The following SPDYE3 variants were observed in gnomAD, a reference collection of about 807,000 sequenced individuals.
The protein encoded by SPDYE3 is speedy/RINGO cell cycle regulator family member E3.
SPDYE3 carries 15 observed loss-of-function variants against 55.0 expected under a neutral mutation model. That is an observed-to-expected ratio of 0.27 (90% confidence interval 0.18 to 0.42). The LOEUF (loss-of-function observed/expected upper bound fraction) is 0.42. Ranked by LOEUF, SPDYE3 falls within the 10% of genes least tolerant of loss-of-function variation. SPDYE3 has a pLI of 1.00. For missense variants in SPDYE3, 236 were observed against 576.7 expected (o/e 0.41, Z 6.05); for synonymous variants, 89 against 229.9 (o/e 0.39, Z 5.55).
Position 100,313,307 on chromosome 7 carries a change from CGA to C in SPDYE3, c.933_934del (p.Ser313AlafsTer5), listed in dbSNP as rs1202385768. On this transcript the variant is annotated frameshift_variant, in exon 5 of 11. Transcript: ENST00000332397. LOFTEE classifies it high-confidence loss of function. ...CGLKMKAKRR[R>X]VSLVLPEYYE... ...CCTCAAGATGAAGGCGAAGCGACGG[CGA>C]GTGTCGCTCGTGCTCCCTGAGTACT... The C allele has an allele frequency of 7.5e-7, 1 of 1,334,176 alleles. No individual in the cohort carries two copies. Among genetic ancestry groups the C allele is most frequent in the African/African-American group, 1.7e-5 (1 of 57,214 alleles). The allele number at this position is 1,334,176 out of a possible 1,614,324, so 82.6% of individuals were successfully genotyped here. A position where few individuals can be genotyped will look rare whatever the true frequency, so the allele number is the denominator to read the frequency against.
chr7:100,317,129 C>T lies in SPDYE3; in HGVS notation c.1320C>T (p.Tyr440=). The T allele has an allele frequency of 6.2e-7, 1 of 1,611,836 alleles. No homozygotes were observed. Among genetic ancestry groups the T allele is most frequent in the Non-Finnish European group, 8.5e-7 (1 of 1,179,694 alleles). The change falls in exon 8 of 11, where the codon TAC becomes TAT. Residue 440 remains tyrosine, a synonymous_variant. Coordinates refer to ENST00000332397, the MANE Select transcript of SPDYE3 (RefSeq NM_001004351.5). ...FSRAGLPSWQ[Y]QRIHFFLALY... ...GGGCCGGCCTCCCCTCCTGGCAATACCAACGCATTCATTTCTTCCTGGCTC... is the reference window on the plus strand; with the variant it reads ...GGGCCGGCCTCCCCTCCTGGCAATATCAACGCATTCATTTCTTCCTGGCTC...
At chr7:100,312,987 G>A (rs1805999666) in intron 4 of SPDYE3, among the ~76,000 whole-genome samples, 153 bp from the exon 5 acceptor site, 1 of 147,452 alleles carries the variant, frequency 6.8e-6, no homozygotes, top group Admixed American at 6.8e-5. Context: ...AGTGGCACAT[G>A]GGGTTGAGCA....
chr7:100,317,278 GACAGGATTA>G, intron 8 of SPDYE3, 123 bp downstream of exon 8: 2 of 1,434,714 alleles, frequency 1.4e-6, no homozygotes, highest in South Asian at 2.3e-5. Flanking sequence ...GTACAAAAAA[GACAGGATTA>G]TAGTATCTTA....
chr7:100,310,221 G>A, intron 2 of SPDYE3, 139 bp from the exon 3 acceptor site: 1 of 545,358 alleles, frequency 1.8e-6, no homozygotes, highest in East Asian at 2.9e-5. Flanking sequence ...TTGAGCAGAG[G>A]AGAAAGTCAG....
At chr7:100,318,867 T>C (rs1418748601) in intron 8 of SPDYE3, among the ~76,000 whole-genome samples, 1 of 151,100 alleles carries the variant, frequency 6.6e-6, no homozygotes, top group African/African-American at 2.4e-5. Flanking sequence ...ACTACAGGGC[T>C]GTGCCACCAC....
In SPDYE3 at chr7:100,315,569, C is replaced by T. The variant is rs1442171218; in HGVS notation, c.1202-216C>T. 4.6e-5 allele frequency among the ~76,000 whole-genome samples: 7 copies of T among 152,156 alleles called. No homozygotes were observed. In the South Asian group the frequency reaches 1.0e-3, roughly 22 times the overall value. On this transcript the variant is annotated intron_variant, in intron 6 of 10. Transcript: ENST00000332397. ...CAGCTCTACATCCTGTAGATTCTCA[C>T]ACCCAGGGCCTCCTTCGGCCTCTTC... is the stretch of plus-strand genomic sequence containing the variant.
chr7:100,309,785 G>A (rs1237512978), intron 2 of SPDYE3, among the ~76,000 whole-genome samples: 1 of 146,734 alleles, frequency 6.8e-6, no homozygotes, highest in African/African-American at 2.5e-5. Context: ...AACCTGGGGA[G>A]GGTGTGTGGG....
intron 6 of SPDYE3, among the ~76,000 whole-genome samples, chr7:100,315,453 GTGTGACTGTCTCA>G (rs1806079496): frequency 6.6e-6 from 1 of 151,994 alleles, no homozygotes; most frequent in Non-Finnish European, 1.5e-5. Context: ...ACACCCTGAT[GTGTGACTGTCTCA>G]TGAGGAAATG....
chr7:100,320,232 C>T (rs1435343452), intron 10 of SPDYE3, 197 bp downstream of exon 10: 192 of 1,260,300 alleles, frequency 1.5e-4, no homozygotes, highest in South Asian at 6.1e-5. Context: ...GCAGGAGGAT[C>T]GCTGGAGCCT....
rs557815000 is a variant in SPDYE3, at chr7:100,315,692, T to C, written c.1202-93T>C. The C allele has an allele frequency of 1.9e-5, 30 of 1,587,634 alleles. No homozygotes were observed. In the African/African-American group the frequency reaches 2.4e-4, roughly 13 times the overall value. Reference sequence around the variant, plus strand: ...CACCCGCGGCCACAATCCTGAGACTTTCCCCCGGGAGGCACACTTCTCCTC... The same window carrying C: ...CACCCGCGGCCACAATCCTGAGACTCTCCCCCGGGAGGCACACTTCTCCTC... On this transcript the variant is annotated intron_variant, in intron 6 of 10. Coordinates refer to ENST00000332397, the MANE Select transcript of SPDYE3 (RefSeq NM_001004351.5).
intron 6 of SPDYE3, 67 bp from the exon 7 acceptor site, chr7:100,315,718 A>C (rs370049654): frequency 1.8e-5 from 28 of 1,595,730 alleles, no homozygotes; most frequent in East Asian, 2.2e-5. Context: ...ACTTCTCCTC[A>C]CTGCCCTGCT....
intron 4 of SPDYE3, 140 bp from the exon 5 acceptor site, chr7:100,313,000 G>C (rs1247833118): frequency 1.7e-6 from 1 of 574,764 alleles, no homozygotes; most frequent in Non-Finnish European, 3.1e-6. Flanking sequence ...GTTGAGCAGA[G>C]GAGAAAGTCA....
chr7:100,318,919 T>C (rs1423861219), intron 8 of SPDYE3, among the ~76,000 whole-genome samples: 2 of 150,224 alleles, frequency 1.3e-5, no homozygotes, highest in South Asian at 4.2e-4. Flanking sequence ...TATTTATTTA[T>C]TTATTTATCA....
At chr7:100,315,586 G>A (rs568349957) in intron 6 of SPDYE3, among the ~76,000 whole-genome samples, 199 bp from the exon 7 acceptor site, 44 of 151,756 alleles carry the variant, frequency 2.9e-4, no homozygotes, top group South Asian at 4.2e-4. Flanking sequence ...GGCCTCCTTC[G>A]GCCTCTTCTC....
At chr7:100,319,088 T>C (rs1444202005) in intron 8 of SPDYE3, among the ~76,000 whole-genome samples, 1 of 151,962 alleles carries the variant, frequency 6.6e-6, no homozygotes, top group African/African-American at 2.4e-5. Context: ...TTTTTGTATT[T>C]TTAGCATAAA....
At position 100,312,452 on chromosome 7, in the gene SPDYE3, G is replaced by A. The variant is rs1460417279; in HGVS notation, c.763+484G>A. ...GAAGAGGGTGCAGTGAGCCAAGATC[G>A]TGCTACTGCACTCCAGTCTGGGTGA... is the stretch of plus-strand genomic sequence containing the variant. On this transcript the variant is annotated intron_variant, in intron 4 of 10. Transcript: ENST00000332397. 3.1e-4 allele frequency among the ~76,000 whole-genome samples: 41 copies of A among 132,340 alleles called. 5 individuals are homozygous for A. The highest frequency in any genetic ancestry group is 1.0e-3 in the African/African-American group (35 of 33,372). 86.8% of individuals were successfully genotyped at this position (132,340 alleles called of 152,430 possible).
At chr7:100,314,194 G>A (rs1334738839) in intron 5 of SPDYE3, among the ~76,000 whole-genome samples, 1 of 106,020 alleles carries the variant, frequency 9.4e-6, no homozygotes, top group Non-Finnish European at 2.0e-5. Flanking sequence ...ACTGGAATCC[G>A]GGAGATAGAT....
intron 1 of SPDYE3, among the ~76,000 whole-genome samples, chr7:100,308,653 G>C (rs1229068253): frequency 9.9e-4 from 150 of 151,688 alleles, no homozygotes; most frequent in African/African-American, 3.2e-3. Context: ...ATGTTGCAGT[G>C]AGCTGAGATT....
Position 100,320,968 on chromosome 7 carries a change from A to G in SPDYE3, c.*123A>G. 8.2e-7 allele frequency: 1 copy of G among 1,212,812 alleles called. No individual in the cohort carries two copies. The highest frequency in any genetic ancestry group is 1.1e-6 in the Non-Finnish European group (1 of 895,920). The allele number at this position is 1,212,812 out of a possible 1,614,324, so 75.1% of individuals were successfully genotyped here. A position where few individuals can be genotyped will look rare whatever the true frequency, so the allele number is the denominator to read the frequency against. On this transcript the variant is annotated 3_prime_UTR_variant, in exon 11 of 11. Transcript: ENST00000332397. ...CTAATGGCAGACATCAGGAAGGAGG[A>G]GAGGAGCCATTTGTGCAGATCATCT...
Sources: allele counts gnomAD v4.1 joint callset (sites outside exome capture counted in the v4.1 genomes callset), GRCh38; gene constraint gnomAD v4.1.1; transcripts MANE v1.5; gene names NCBI Gene and HGNC (gene_info 2026-07-23, HGNC 2026-07-21).